The following GRIA3 variants were observed in gnomAD, a reference collection of about 807,000 sequenced individuals.
GRIA3 encodes glutamate ionotropic receptor AMPA type subunit 3, also known as glutamate receptor 3.
A neutral mutation model predicts 63.0 loss-of-function variants in GRIA3; 3 were observed. That is an observed-to-expected ratio of 0.05 (90% CI 0.02 to 0.12). The LOEUF is 0.12. Among genes scored for constraint, GRIA3 ranks in the 10% least tolerant of loss-of-function variants. The probability of loss-of-function intolerance (pLI) is 1.00; values close to 1 mark genes in which losing one functional copy is unlikely to be tolerated. For synonymous variants in GRIA3, 274 were observed against 257.9 expected, an observed-to-expected ratio of 1.06 and a Z score of -0.60; for missense variants, 347 against 700.9, an observed-to-expected ratio of 0.50 and a Z score of 5.70.
At chrX:123,251,475 G>A (rs1233127556) in intron 2 of GRIA3, among the ~76,000 whole-genome samples, 4 of 110,894 alleles carry the variant, frequency 3.6e-5, no homozygotes, top group Admixed American at 9.5e-5. Flanking sequence ...TCTGTCGGTC[G>A]CCCAGGCTGG....
intron 5 of GRIA3, among the ~76,000 whole-genome samples, chrX:123,355,221 G>A (rs187367643): frequency 3.6e-5 from 4 of 112,045 alleles, no homozygotes; most frequent in South Asian, 3.7e-4. Context: ...ATTCAATTTC[G>A]GTTTGAAATG....
At chrX:123,361,644 T>C (rs941237689) in intron 5 of GRIA3, among the ~76,000 whole-genome samples, 37 of 111,646 alleles carry the variant, frequency 3.3e-4, no homozygotes, top group Non-Finnish European at 4.1e-4. Flanking sequence ...CTGAGACTCC[T>C]ATTCTCTCTC....
chrX:123,200,036 T>G (rs1366558378), intron 2 of GRIA3, among the ~76,000 whole-genome samples: 6 of 111,684 alleles, frequency 5.4e-5, no homozygotes, highest in Non-Finnish European at 1.9e-5. Context: ...GACTAACAGA[T>G]TATCAGAGCG....
At chrX:123,248,878 G>C (rs934135105) in intron 2 of GRIA3, among the ~76,000 whole-genome samples, 2 of 112,227 alleles carry the variant, frequency 1.8e-5, no homozygotes, top group Non-Finnish European at 3.8e-5. Context: ...AAAGAATCAT[G>C]ACTCCCAAAA....
chrX:123,446,347 C>G (rs1603160612), intron 12 of GRIA3, among the ~76,000 whole-genome samples: 1 of 112,255 alleles, frequency 8.9e-6, no homozygotes, highest in South Asian at 3.7e-4. Context: ...CTACCTGCTT[C>G]TCACTAATAA....
chrX:123,335,706 C>T (rs2044970105), intron 4 of GRIA3, among the ~76,000 whole-genome samples: 1 of 111,006 alleles, frequency 9.0e-6, no homozygotes, highest in Non-Finnish European at 1.9e-5. Flanking sequence ...CAAGTGAGAT[C>T]TCCAATTCAT....
chrX:123,333,564 AAT>A (rs1189764413), intron 4 of GRIA3, among the ~76,000 whole-genome samples: 1 of 111,981 alleles, frequency 8.9e-6, no homozygotes, highest in African/African-American at 3.2e-5. Context: ...AATGCAAAAT[AAT>A]ATAACAAAAA....
intron 2 of GRIA3, among the ~76,000 whole-genome samples, chrX:123,188,810 G>A (rs1306989234): frequency 8.9e-6 from 1 of 111,979 alleles, no homozygotes; most frequent in African/African-American, 3.3e-5. Flanking sequence ...CTAGGGTGTA[G>A]GTGTGCAGGT....
At chrX:123,447,035 A>G (rs1429780334) in intron 12 of GRIA3, among the ~76,000 whole-genome samples, 1 of 112,312 alleles carries the variant, frequency 8.9e-6, no homozygotes, top group African/African-American at 3.2e-5. Flanking sequence ...TTTCAAACCA[A>G]TGTCTGCTAA....
intron 3 of GRIA3, among the ~76,000 whole-genome samples, chrX:123,258,322 T>G (rs2044431021): frequency 8.9e-6 from 1 of 112,626 alleles, no homozygotes; most frequent in African/African-American, 3.2e-5. Context: ...GGTTAGTGCA[T>G]CCAGGGAAGA....
rs139364049 is a variant in GRIA3, at chrX:123,382,685, C to G, written c.751-12283C>G. ...GGACATCTCCTTTTAGTTTCTCTGC[C>G]AGAAAAAGGGTAATTAGGCAAATCT... On this transcript the variant is annotated intron_variant, in intron 5 of 15. Transcript: ENST00000620443. Among the ~76,000 whole-genome samples the G allele has an allele frequency of 3.0e-4, 33 of 111,040 alleles. 1 individual carries two copies. The East Asian group carries it at 9.1e-3, about 30-fold the overall frequency.
At chrX:123,410,139 C>T (rs1178219289) in intron 10 of GRIA3, among the ~76,000 whole-genome samples, 1 of 111,472 alleles carries the variant, frequency 9.0e-6, no homozygotes, top group African/African-American at 3.3e-5. Context: ...CTAGTTATCA[C>T]TCGAAATATT....
chrX:123,192,928 T>C (rs1052816220), intron 2 of GRIA3, among the ~76,000 whole-genome samples: 1 of 110,762 alleles, frequency 9.0e-6, no homozygotes, highest in Non-Finnish European at 1.9e-5. Context: ...ATGCCAATGC[T>C]TCTGGTCCTG....
In GRIA3 at chrX:123,191,580, T is replaced by C. The variant is rs186547433; in HGVS notation, c.268+5590T>C. Reference sequence around the variant, plus strand: ...TATTGCCATTATTTTCTTCTCTTGCTCTATCCGTCCAGCTCGTCTAACTCC... The same window carrying C: ...TATTGCCATTATTTTCTTCTCTTGCCCTATCCGTCCAGCTCGTCTAACTCC... On this transcript the variant is annotated intron_variant, in intron 2 of 15. Coordinates refer to ENST00000620443, the MANE Select transcript of GRIA3 (RefSeq NM_007325.5). Among the ~76,000 whole-genome samples, 473 of 111,673 alleles carry C rather than the reference T, an allele frequency of 4.2e-3. 5 individuals carry two copies. Among genetic ancestry groups the C allele is most frequent in the African/African-American group, 0.015 (450 of 30,724 alleles).
At chrX:123,334,038 C>T (rs1032542681) in intron 4 of GRIA3, among the ~76,000 whole-genome samples, 1 of 111,887 alleles carries the variant, frequency 8.9e-6, no homozygotes, top group East Asian at 2.8e-4. Flanking sequence ...TTACTTAACA[C>T]TTATTGGGCT....
rs41299102 is a variant in GRIA3 at position 123,489,391 on chromosome X, C to T, written c.*681C>T. Reference sequence around the variant, plus strand: ...TGGAAAAGGGACTAAACAGTGATTTCTCTGTGTTCTTGAAATGGTTTTGTG... The same window carrying T: ...TGGAAAAGGGACTAAACAGTGATTTTTCTGTGTTCTTGAAATGGTTTTGTG... On this transcript the variant is annotated 3_prime_UTR_variant, in exon 16 of 16. Coordinates refer to ENST00000620443, the MANE Select transcript of GRIA3 (RefSeq NM_007325.5). 5,782 of 112,365 alleles carry T rather than the reference C, an allele frequency of 0.051. 131 individuals carry two copies. The highest frequency in any genetic ancestry group is 0.16 in the East Asian group (550 of 3,546). 9.3% of individuals were successfully genotyped at this position (112,365 alleles called of 1,213,427 possible).
At chrX:123,256,926 G>A (rs1214856129) in intron 3 of GRIA3, among the ~76,000 whole-genome samples, 1 of 111,518 alleles carries the variant, frequency 9.0e-6, no homozygotes, top group East Asian at 2.8e-4. Flanking sequence ...CAGAACTTGG[G>A]GACAGATTGA....
Position 123,349,237 on chromosome X carries a change from C to T in GRIA3, c.697-5673C>T, listed in dbSNP as rs190871877. On this transcript the variant is annotated intron_variant, in intron 4 of 15. Coordinates refer to ENST00000620443, the MANE Select transcript of GRIA3 (RefSeq NM_007325.5). ...TTAGGATTAAGACAATGAAGTGTTC[C>T]CACAAAGGTCAACATGTATTTAAAT... is the stretch of plus-strand genomic sequence containing the variant. 4.5e-5 allele frequency among the ~76,000 whole-genome samples: 5 copies of T among 111,981 alleles called. 1 individual carries two copies. The East Asian group carries it at 1.4e-3, about 31-fold the overall frequency.
At chrX:123,412,670 T>C (rs2045513457) in intron 10 of GRIA3, among the ~76,000 whole-genome samples, 2 of 111,689 alleles carry the variant, frequency 1.8e-5, no homozygotes, top group Non-Finnish European at 3.8e-5. Context: ...CTACAGATTC[T>C]GCCTCAAGCT....
Sources: gnomAD v4.1 joint callset for allele counts (sites outside exome capture counted in the v4.1 genomes callset) on GRCh38, gnomAD v4.1.1 for gene constraint, MANE v1.5 for transcripts, NCBI Gene and HGNC (gene_info 2026-07-23, HGNC 2026-07-21) for gene names.